Variants in TRNAU1AP observed in about 807,000 individuals in gnomAD.
The protein encoded by TRNAU1AP is tRNA selenocysteine 1-associated protein 1.
Under a neutral mutation model 43.3 loss-of-function variants are expected in TRNAU1AP, and 33 were observed. That is an observed-to-expected ratio of 0.76 (90% confidence interval 0.58 to 1.02). TRNAU1AP has a LOEUF of 1.02. TRNAU1AP is among the 50% of genes least tolerant of loss of function. TRNAU1AP has a pLI of 0.00. For synonymous variants in TRNAU1AP, 143 were observed against 129.1 expected (o/e 1.11, Z -0.73); for missense variants, 290 against 362.7 (o/e 0.80, Z 1.63).
rs763320544 is a variant in TRNAU1AP at position 28,564,718 on chromosome 1, C to A, written c.294C>A (p.Leu98=). 6 of 1,613,996 alleles carry A rather than the reference C, an allele frequency of 3.7e-6. 1 individual carries two copies. The South Asian group carries it at 6.6e-5, about 18-fold the overall frequency. The change falls in exon 5 of 9, where the codon CTC becomes CTA. Residue 98 remains leucine, a synonymous_variant. Transcript: ENST00000373830. ...KQPDNSPEYS[L]FVGDLTPDVD... ...CTCTCCTCAGCCCTGAGTATTCCCT[C>A]TTTGTGGGGGACCTGACCCCGGACG... is the stretch of plus-strand genomic sequence containing the variant.
chr1:28,570,403 A>T (rs1665639372), intron 6 of TRNAU1AP, among the ~76,000 whole-genome samples: 1 of 151,678 alleles, frequency 6.6e-6, no homozygotes, highest in South Asian at 2.1e-4. Context: ...GCGCCATCCC[A>T]CCCAGCTAAT....
intron 2 of TRNAU1AP, among the ~76,000 whole-genome samples, chr1:28,558,560 A>ATTT (rs756554853): frequency 5.7e-5 from 5 of 88,332 alleles, no homozygotes; most frequent in Admixed American, 1.3e-4. Flanking sequence ...CGCCCGACTA[A>ATTT]TTTTTTTTTT....
chr1:28,564,827 G>A lies in TRNAU1AP; in HGVS notation c.403G>A (p.Val135Met), dbSNP rs764252241. 2.0e-5 allele frequency: 33 copies of A among 1,613,912 alleles called. No homozygotes were observed. The highest frequency in any genetic ancestry group is 3.3e-5 in the Admixed American group (2 of 59,954). Residue 135 changes from valine to methionine, a missense_variant, in exon 5 of 9, where the codon GTG (valine) becomes ATG (methionine). By Grantham distance (21) the Val-to-Met change is conservative. Transcript: ENST00000373830. The part of the protein sequence containing the change: ...GGKVVLDQTG[V>M]SKGYGFVKFT... ...CAAGGTGGTTTTGGACCAGACAGGCGTGTCTAAGTAAGGCCTTACTTGTTA... is the reference window on the plus strand; with the variant it reads ...CAAGGTGGTTTTGGACCAGACAGGCATGTCTAAGTAAGGCCTTACTTGTTA...
chr1:28,563,000 A>G (rs1665449434), intron 4 of TRNAU1AP, among the ~76,000 whole-genome samples: 1 of 150,270 alleles, frequency 6.7e-6, no homozygotes, highest in African/African-American at 2.4e-5. Flanking sequence ...GGTCCAAGCA[A>G]TTCTCCTGCC....
chr1:28,577,796 C>G lies in TRNAU1AP; in HGVS notation c.*160C>G, dbSNP rs1665832441. 6.2e-6 allele frequency: 5 copies of G among 808,162 alleles called. No individual in the cohort carries two copies. The East Asian group carries it at 1.1e-4, about 18-fold the overall frequency. 50.1% of individuals were successfully genotyped at this position (808,162 alleles called of 1,614,324 possible). A position where few individuals can be genotyped will look rare whatever the true frequency, so the allele number is the denominator to read the frequency against. ...TACAACACTGCTGCATTCATTTGAC[C>G]ATTTGAGTTTGAAGACCAAGGGAAC... is the stretch of plus-strand genomic sequence containing the variant. On this transcript the variant is annotated 3_prime_UTR_variant, in exon 9 of 9. Coordinates refer to ENST00000373830, the MANE Select transcript of TRNAU1AP (RefSeq NM_017846.5).
At position 28,578,221 on chromosome 1, in the gene TRNAU1AP, G is replaced by C. The variant is rs1665852459; in HGVS notation, c.*585G>C. 1 of 158,668 alleles carries C rather than the reference G, an allele frequency of 6.3e-6. No individual in the cohort carries two copies. The highest frequency in any genetic ancestry group is 1.4e-5 in the Non-Finnish European group (1 of 71,942). 9.8% of individuals were successfully genotyped at this position (158,668 alleles called of 1,614,324 possible). ...TGCAGCATCTGCATATACAAGGCCT[G>C]GATCACTTTAGGATCAATATTTTGA... On this transcript the variant is annotated 3_prime_UTR_variant, in exon 9 of 9. Transcript: ENST00000373830.
chr1:28,554,258 G>A (rs536070718), intron 2 of TRNAU1AP, among the ~76,000 whole-genome samples: 1 of 149,804 alleles, frequency 6.7e-6, no homozygotes, highest in Non-Finnish European at 1.5e-5. Context: ...GGGTTTGAAA[G>A]CTATTTCTAC....
intron 8 of TRNAU1AP, among the ~76,000 whole-genome samples, chr1:28,575,536 C>T (rs1306707437): frequency 1.3e-5 from 2 of 148,546 alleles, no homozygotes; most frequent in Non-Finnish European, 3.0e-5. Context: ...GATCTCAGCT[C>T]ACTGCAACCT....
chr1:28,573,733 A>G (rs1160918134), intron 8 of TRNAU1AP, among the ~76,000 whole-genome samples: 1 of 150,812 alleles, frequency 6.6e-6, no homozygotes, highest in Non-Finnish European at 1.5e-5. Context: ...AGATCATACC[A>G]CTGTACTCCA....
At chr1:28,562,599 G>A (rs2124197128) in intron 4 of TRNAU1AP, among the ~76,000 whole-genome samples, 1 of 149,626 alleles carries the variant, frequency 6.7e-6, no homozygotes, top group East Asian at 1.9e-4. Flanking sequence ...TTTTTTTTTG[G>A]AGACGGAGTC....
At position 28,555,927 on chromosome 1, in the gene TRNAU1AP, C is replaced by T. The variant is rs1665251423; in HGVS notation, c.125+2190C>T. On this transcript the variant is annotated intron_variant, in intron 2 of 8. Transcript: ENST00000373830. ...GGTGTGCAGTGGCACGATCTCGGCT[C>T]ACTGCAAGCTCCACCTCCTGGGTTC... Among the ~76,000 whole-genome samples the T allele has an allele frequency of 2.0e-5, 3 of 150,828 alleles. No individual in the cohort carries two copies. In the South Asian group the frequency reaches 6.3e-4, roughly 31 times the overall value.
chr1:28,573,619 A>G (rs892862116), intron 8 of TRNAU1AP, among the ~76,000 whole-genome samples: 1 of 152,012 alleles, frequency 6.6e-6, no homozygotes, highest in African/African-American at 2.4e-5. Flanking sequence ...CTAAAAATAA[A>G]AAAATTAGCC....
intron 4 of TRNAU1AP, among the ~76,000 whole-genome samples, chr1:28,564,499 G>A (rs1665493117): frequency 6.6e-6 from 1 of 152,206 alleles, no homozygotes; most frequent in Non-Finnish European, 1.5e-5. Flanking sequence ...TCTGTGGAGT[G>A]GGTGAGGGAT....
At chr1:28,560,457 T>A (rs1029175682) in intron 2 of TRNAU1AP, among the ~76,000 whole-genome samples, 176 bp from the exon 3 acceptor site, 6 of 152,088 alleles carry the variant, frequency 3.9e-5, no homozygotes, top group African/African-American at 1.4e-4. Flanking sequence ...AATTTTTGTA[T>A]TTTTAGTAGA....
At chr1:28,574,695 C>T (rs527643390) in intron 8 of TRNAU1AP, 25 of 152,288 alleles carry the variant, frequency 1.6e-4, no homozygotes, top group African/African-American at 4.8e-4. Context: ...TGAGCCACTG[C>T]TCCTGGCCAA....
At position 28,567,359 on chromosome 1, in the gene TRNAU1AP, G is replaced by A. The variant is rs762982293; in HGVS notation, c.476G>A (p.Gly159Glu). 1.2e-6 allele frequency: 2 copies of A among 1,614,024 alleles called. No individual in the cohort carries two copies. Among genetic ancestry groups the A allele is most frequent in the Admixed American group, 3.3e-5 (2 of 59,916 alleles). ...EQKRALTECQ[G>E]AVGLGSKPVR... Reference sequence around the variant, plus strand: ...AAGCGAGCCCTGACGGAGTGCCAGGGAGCAGTGGGACTGGGGTCTAAGCCT... The same window carrying A: ...AAGCGAGCCCTGACGGAGTGCCAGGAAGCAGTGGGACTGGGGTCTAAGCCT... Residue 159 changes from glycine to glutamate, a missense_variant, in exon 6 of 9, where the codon GGA becomes GAA. Physicochemically the swap from Gly to Glu is moderately conservative, Grantham distance 98. Around this residue, in one of 3 missense-constraint regions of TRNAU1AP, gnomAD observed 174 missense variants for 262.1 expected, o/e 0.66. Transcript: ENST00000373830.
chr1:28,577,443 C>T (rs1665816422), intron 8 of TRNAU1AP, 57 bp from the exon 9 acceptor site: 1 of 1,588,568 alleles, frequency 6.3e-7, no homozygotes, highest in Middle Eastern at 2.1e-4. Flanking sequence ...GGAACTGAAC[C>T]AGGTCCCTTG....
At chr1:28,553,777 C>T (rs762717354) in intron 2 of TRNAU1AP, 40 bp downstream of exon 2, 10 of 1,537,632 alleles carry the variant, frequency 6.5e-6, no homozygotes, top group Non-Finnish European at 9.0e-7. Context: ...CATCTCGTTG[C>T]AGCTGTCATG....
At position 28,577,653 on chromosome 1, in the gene TRNAU1AP, G is replaced by A. The variant is rs1488716167; in HGVS notation, c.*17G>A. 6.2e-7 allele frequency: 1 copy of A among 1,607,858 alleles called. No homozygotes were observed. On this transcript the variant is annotated 3_prime_UTR_variant, in exon 9 of 9. Coordinates refer to ENST00000373830, the MANE Select transcript of TRNAU1AP (RefSeq NM_017846.5). ...ATGATGTAGCCAGGCCAAAGGACAA[G>A]CCAGGTTGCATGATGTGAGGGAGAT...
Sources: allele counts gnomAD v4.1 joint callset (sites outside exome capture counted in the v4.1 genomes callset), GRCh38; gene constraint gnomAD v4.1.1; regional missense constraint gnomAD v4.1.1; transcripts MANE v1.5; gene names NCBI Gene and HGNC (gene_info 2026-07-23, HGNC 2026-07-21).